TENM3: variants seen among roughly 807,000 people sequenced by gnomAD.
The protein encoded by TENM3 is teneurin-3.
In TENM3, 63 loss-of-function variants were observed where a neutral mutation model predicts 255.1. The ratio of observed to expected loss-of-function variants is 0.25; its 90% CI spans 0.20 to 0.30. The LOEUF (loss-of-function observed/expected upper bound fraction) is 0.30, where lower values mean the gene tolerates loss of function less well. TENM3 is among the 10% of genes least tolerant of loss of function. TENM3 has a pLI of 1.00. For missense variants in TENM3, 2,929 were observed against 3,461.1 expected, an observed-to-expected ratio of 0.85 and a Z score of 3.86; for synonymous variants, 1,306 against 1,322.3, an observed-to-expected ratio of 0.99 and a Z score of 0.27.
chr4:181,958,421 T>A, the TENM3 span, among the ~76,000 whole-genome samples: 1 of 152,208 alleles, frequency 6.6e-6, no homozygotes, highest in Non-Finnish European at 1.5e-5. Context: ...TTTAAACTGT[T>A]TGGAATGCAA....
the TENM3 span, among the ~76,000 whole-genome samples, chr4:181,459,849 A>G: frequency 6.6e-6 from 1 of 151,904 alleles, no homozygotes; most frequent in African/African-American, 2.4e-5. Flanking sequence ...TAACCTCAAA[A>G]ACCTGTTGAA....
intron 3 of TENM3, among the ~76,000 whole-genome samples, chr4:182,374,727 C>T (rs1342159510): frequency 2.6e-5 from 4 of 152,108 alleles, no homozygotes; most frequent in Non-Finnish European, 5.9e-5. Context: ...AAATTTCTTC[C>T]TGTCTTTTGT....
Position 182,628,833 on chromosome 4 carries a change from C to T in TENM3, c.932C>T (p.Ala311Val), listed in dbSNP as rs1341107754. Residue 311 changes from alanine (A) to valine (V), a missense_variant, in exon 5 of 28, where the codon GCA becomes GTA. By Grantham distance (64) the Ala-to-Val change is moderately conservative. Around this residue, in one of 6 missense-constraint regions of TENM3, gnomAD observed 1,608 missense variants for 1,884.4 expected, o/e 0.85. Transcript: ENST00000511685. ...AAGTACTGTAGCTGGAAATGCACTG[C>T]ACTGTGTGCCGTAGGGGTCTCGGTG... ...SSKYCSWKCT[A>V]LCAVGVSVLL... 1 of 1,610,686 alleles carries T rather than the reference C, an allele frequency of 6.2e-7. No individual in the cohort carries two copies. Among genetic ancestry groups the T allele is most frequent in the Non-Finnish European group, 8.5e-7 (1 of 1,178,482 alleles).
chr4:182,423,387 T>TATATAAAACCC (rs370606988), intron 3 of TENM3, among the ~76,000 whole-genome samples: 204 of 152,308 alleles, frequency 1.3e-3, no homozygotes, highest in African/African-American at 4.5e-3. Flanking sequence ...TGCCTCTGAA[T>TATATAAAACCC]ATAGTATAAA....
chr4:181,954,576 T>C, the TENM3 span, among the ~76,000 whole-genome samples: 1 of 152,326 alleles, frequency 6.6e-6, no homozygotes, highest in African/African-American at 2.4e-5. Flanking sequence ...TATTTGCAGA[T>C]CTCCATTCAC....
rs1284326076 is a variant in TENM3, at chr4:182,719,311, C to G, written c.2368+5078C>G. Among the ~76,000 whole-genome samples, 11 of 115,464 alleles carry G rather than the reference C, an allele frequency of 9.5e-5. 1 individual carries two copies. The East Asian group carries it at 3.3e-3, about 35-fold the overall frequency. The allele number at this position is 115,464 out of a possible 152,430, so 75.7% of individuals were successfully genotyped here. ...GAGTCTCGCTCTGTCTCCCAGGCTG[C>G]AGTGCAATGGCGTGGTCTCGGCTCA... On this transcript the variant is annotated intron_variant, in intron 13 of 27. Coordinates refer to ENST00000511685, the MANE Select transcript of TENM3 (RefSeq NM_001080477.4).
At chr4:182,398,751 T>TAAG (rs1378201868) in intron 3 of TENM3, among the ~76,000 whole-genome samples, 2 of 152,220 alleles carry the variant, frequency 1.3e-5, no homozygotes, top group Non-Finnish European at 2.9e-5. Flanking sequence ...TGACAAAAGC[T>TAAG]AAGTGTCTCT....
At chr4:182,089,578 A>G in the TENM3 span, among the ~76,000 whole-genome samples, 1 of 152,200 alleles carries the variant, frequency 6.6e-6, no homozygotes, top group Non-Finnish European at 1.5e-5. Flanking sequence ...TGATTTTTTA[A>G]AAAAACCATT....
chr4:182,742,131 T>G (rs1761652721), intron 18 of TENM3, among the ~76,000 whole-genome samples: 2 of 152,222 alleles, frequency 1.3e-5, no homozygotes, highest in Admixed American at 1.3e-4. Flanking sequence ...AAACTGTGCA[T>G]GGAACAATAG....
chr4:181,930,837 C>T, the TENM3 span, among the ~76,000 whole-genome samples: 1 of 152,178 alleles, frequency 6.6e-6, no homozygotes, highest in Admixed American at 6.5e-5. Flanking sequence ...CAGCTTCATA[C>T]CTGGAATGCA....
the TENM3 span, among the ~76,000 whole-genome samples, chr4:181,556,762 TCATTATCA>T: frequency 6.6e-6 from 1 of 152,206 alleles, no homozygotes; most frequent in African/African-American, 2.4e-5. Context: ...CCTCAGTGGG[TCATTATCA>T]TGAGATTTCA....
At chr4:182,167,407 T>TA (rs1751792339) in intron 1 of TENM3, among the ~76,000 whole-genome samples, 1 of 152,230 alleles carries the variant, frequency 6.6e-6, no homozygotes. Flanking sequence ...GCTCTTGTAT[T>TA]AAATACATAT....
At chr4:181,621,639 A>G in the TENM3 span, among the ~76,000 whole-genome samples, 1 of 152,162 alleles carries the variant, frequency 6.6e-6, no homozygotes, top group East Asian at 1.9e-4. Flanking sequence ...AAATCATTTA[A>G]TATATTCTGT....
chr4:181,753,416 G>C, the TENM3 span, among the ~76,000 whole-genome samples: 1 of 152,110 alleles, frequency 6.6e-6, no homozygotes, highest in Non-Finnish European at 1.5e-5. Context: ...GCAGCAGGCT[G>C]TACAGATGGA....
At chr4:181,813,064 A>C in the TENM3 span, among the ~76,000 whole-genome samples, 2 of 152,152 alleles carry the variant, frequency 1.3e-5, no homozygotes, top group Admixed American at 1.3e-4. Flanking sequence ...AACAACAGAA[A>C]TGTATTTTTC....
chr4:182,651,649 A>G (rs1455370182), intron 5 of TENM3, among the ~76,000 whole-genome samples: 1 of 152,010 alleles, frequency 6.6e-6, no homozygotes, highest in African/African-American at 2.4e-5. Context: ...GTGAGCCGAG[A>G]TCGTGCCACT....
intron 16 of TENM3, among the ~76,000 whole-genome samples, chr4:182,731,882 C>A (rs374457957): frequency 6.6e-6 from 1 of 151,624 alleles, no homozygotes; most frequent in African/African-American, 2.4e-5. Flanking sequence ...CCCGGGTTCA[C>A]GCCATTCTCC....
intron 1 of TENM3, among the ~76,000 whole-genome samples, chr4:182,250,320 G>T (rs1315360087): frequency 6.7e-6 from 1 of 150,314 alleles, no homozygotes; most frequent in East Asian, 1.9e-4. Context: ...CCAAAGTGCT[G>T]GGATTACAGG....
At chr4:182,688,560 T>A (rs1423657549) in intron 12 of TENM3, among the ~76,000 whole-genome samples, 1 of 152,246 alleles carries the variant, frequency 6.6e-6, no homozygotes, top group Non-Finnish European at 1.5e-5. Context: ...AGCTATAAAC[T>A]TTTTTATTCA....
Sources: allele counts gnomAD v4.1 joint callset (sites outside exome capture counted in the v4.1 genomes callset), GRCh38; gene constraint gnomAD v4.1.1; regional missense constraint gnomAD v4.1.1; transcripts MANE v1.5; gene names NCBI Gene and HGNC (gene_info 2026-07-23, HGNC 2026-07-21).